Variants in FBXO24 observed in about 807,000 individuals in gnomAD.
The protein encoded by FBXO24 is F-box protein 24, also known as F-box only protein 24.
FBXO24 carries 30 observed loss-of-function variants against 63.5 expected under a neutral mutation model. That is an observed-to-expected ratio of 0.47 (90% CI 0.35 to 0.64). The LOEUF (loss-of-function observed/expected upper bound fraction) is 0.64, where lower values mean the gene tolerates loss of function less well. FBXO24 is among the 30% of genes least tolerant of loss of function. The probability of loss-of-function intolerance (pLI) is 0.00; values close to 1 mark genes in which losing one functional copy is unlikely to be tolerated. For missense variants in FBXO24, 624 were observed against 763.4 expected, an observed-to-expected ratio of 0.82 and a Z score of 2.15; for synonymous variants, 300 against 305.0, an observed-to-expected ratio of 0.98 and a Z score of 0.17.
intron 8 of FBXO24, among the ~76,000 whole-genome samples, chr7:100,597,884 G>GTTTTTTTTTT (rs1393606783): frequency 7.3e-6 from 1 of 136,256 alleles, no homozygotes; most frequent in Non-Finnish European, 1.6e-5. Context: ...TGTTTTTTTT[G>GTTTTTTTTTT]TTTTTTTTGT....
At position 100,586,435 on chromosome 7, in the gene FBXO24, AG is replaced by A; in HGVS notation, c.-187del. ...GAGCCAATCAGGTCCAACCAAGAGG[AG>A]GGGACACCGGCACTCCACTAGCAGG... On this transcript the variant is annotated 5_prime_UTR_variant, in exon 1 of 10. An upstream open reading frame in the 5' UTR gains an earlier in-frame stop. Transcript: ENST00000241071. 1 of 661,152 alleles carries A rather than the reference AG, an allele frequency of 1.5e-6. No individual in the cohort carries two copies. Among genetic ancestry groups the A allele is most frequent in the Non-Finnish European group, 2.7e-6 (1 of 375,114 alleles). The allele number at this position is 661,152 out of a possible 1,614,324, so 41.0% of individuals were successfully genotyped here. A position where few individuals can be genotyped will look rare whatever the true frequency, so the allele number is the denominator to read the frequency against.
Position 100,586,355 on chromosome 7 carries a change from A to T in FBXO24, c.-271A>T. 1 of 640,758 alleles carries T rather than the reference A, an allele frequency of 1.6e-6. No homozygotes were observed. Among genetic ancestry groups the T allele is most frequent in the Non-Finnish European group, 2.7e-6 (1 of 373,838 alleles). 39.7% of individuals were successfully genotyped at this position (640,758 alleles called of 1,614,324 possible). ...AGCGCTCGCCAACGGCCGACGCTCCAGGCCGTCCCGCCCAGCGCAGCTGCA... is the reference window on the plus strand; with the variant it reads ...AGCGCTCGCCAACGGCCGACGCTCCTGGCCGTCCCGCCCAGCGCAGCTGCA... On this transcript the variant is annotated 5_prime_UTR_variant, in exon 1 of 10. Coordinates refer to ENST00000241071, the MANE Select transcript of FBXO24 (RefSeq NM_033506.3).
At position 100,590,028 on chromosome 7, in the gene FBXO24, A is replaced by AG. The variant is rs1255600690; in HGVS notation, c.96dup (p.Lys33GlufsTer118). 1 of 1,613,414 alleles carries AG rather than the reference A, an allele frequency of 6.2e-7. No individual in the cohort carries two copies. The highest frequency in any genetic ancestry group is 1.3e-5 in the African/African-American group (1 of 74,838). ...CTCGGAGCTTGGGGTTGAAGAGAAGAGGGGGAAAGGAAATCCGATTTCCAT... is the reference window on the plus strand; with the variant it reads ...CTCGGAGCTTGGGGTTGAAGAGAAGAGGGGGGAAAGGAAATCCGATTTCCAT... On this transcript the variant is annotated frameshift_variant, in exon 2 of 10. Transcript: ENST00000241071. LOFTEE classifies it high-confidence loss of function.
intron 1 of FBXO24, among the ~76,000 whole-genome samples, chr7:100,588,997 G>GTTT (rs543109579): frequency 7.0e-6 from 1 of 143,204 alleles, no homozygotes; most frequent in African/African-American, 2.6e-5. Context: ...TAATTTTTAA[G>GTTT]TTTTTTTTTT....
chr7:100,597,884 G>GTTTTTTTTTTTTTTTT (rs1393606783), intron 8 of FBXO24, among the ~76,000 whole-genome samples: 2 of 136,258 alleles, frequency 1.5e-5, no homozygotes, highest in Admixed American at 7.3e-5. Context: ...TGTTTTTTTT[G>GTTTTTTTTTTTTTTTT]TTTTTTTTGT....
At chr7:100,590,125 C>T in intron 2 of FBXO24, 49 bp from the exon 3 acceptor site, 1 of 1,606,792 alleles carries the variant, frequency 6.2e-7, no homozygotes, top group Non-Finnish European at 8.5e-7. Flanking sequence ...GGGGCCAGAT[C>T]ACCGAGGGGC....
intron 1 of FBXO24, among the ~76,000 whole-genome samples, chr7:100,587,097 T>C (rs1801795607): frequency 6.6e-6 from 1 of 152,176 alleles, no homozygotes; most frequent in African/African-American, 2.4e-5. Flanking sequence ...CCCTTGGTGC[T>C]ACGAATGCAG....
At chr7:100,590,467 C>G in intron 3 of FBXO24, 110 bp downstream of exon 3, 1 of 1,161,332 alleles carries the variant, frequency 8.6e-7, no homozygotes, top group South Asian at 1.6e-5. Flanking sequence ...CTTCCAGGGC[C>G]CCTTTCTCCG....
chr7:100,589,649 G>A, intron 1 of FBXO24: 2 of 1,495,954 alleles, frequency 1.3e-6, no homozygotes, highest in Non-Finnish European at 1.8e-6. Flanking sequence ...ACATGGTGTG[G>A]GAAAGCCAGC....
rs1801928208 is a variant in FBXO24, at chr7:100,589,992, C to T, written c.55C>T (p.Pro19Ser). ...TCTTGGGTAGGTGAAGAGAAGCTGC[C>T]CTTCTTGTGGCTCGGAGCTTGGGGT... ...LRRRRVKRSC[P>S]SCGSELGVEE... The change falls in exon 2 of 10, where the codon CCT (proline) becomes TCT (serine). Residue 19 changes from proline (P) to serine (S), a missense_variant. Physicochemically the swap from Pro to Ser is moderately conservative, Grantham distance 74. This residue lies in a region of FBXO24 where 391 missense variants were observed against 469.1 expected (regional missense o/e 0.83). Coordinates refer to ENST00000241071, the MANE Select transcript of FBXO24 (RefSeq NM_033506.3). 1 of 1,613,342 alleles carries T rather than the reference C, an allele frequency of 6.2e-7. No individual in the cohort carries two copies.
At chr7:100,592,754 A>G in intron 4 of FBXO24, 29 bp from the exon 5 acceptor site, 9 of 1,588,522 alleles carry the variant, frequency 5.7e-6, no homozygotes, top group Non-Finnish European at 7.8e-6. Flanking sequence ...GAAACTCTAG[A>G]TCCCAGACGC....
At chr7:100,589,912 G>A in intron 1 of FBXO24, 65 bp from the exon 2 acceptor site, 1 of 1,572,988 alleles carries the variant, frequency 6.4e-7, no homozygotes, top group Non-Finnish European at 8.6e-7. Flanking sequence ...CCCCAAGGTA[G>A]GCGGAGAGAA....
intron 8 of FBXO24, among the ~76,000 whole-genome samples, chr7:100,596,294 A>T (rs1802306081): frequency 6.6e-6 from 1 of 152,188 alleles, no homozygotes; most frequent in South Asian, 2.1e-4. Context: ...AAAAGAAAAA[A>T]GATGTGAGCA....
At position 100,600,759 on chromosome 7, in the gene FBXO24, C is replaced by A. The variant is rs1451798756; in HGVS notation, c.1603C>A (p.Arg535Ser). 6.2e-7 allele frequency: 1 copy of A among 1,614,040 alleles called. No homozygotes were observed. Among genetic ancestry groups the A allele is most frequent in the Admixed American group, 1.7e-5 (1 of 60,006 alleles). The change falls in exon 10 of 10, where the codon CGC becomes AGC. Residue 535 changes from arginine (R) to serine (S), a missense_variant. Coordinates refer to ENST00000241071, the MANE Select transcript of FBXO24 (RefSeq NM_033506.3). The surrounding 1 kb of genome is among the most constrained non-coding windows in gnomAD (Gnocchi z 6.3). Reference sequence around the variant, plus strand: ...CCACAGTTGCCAAACGTTGCAGGACCGCACGGAGAAGATGAAGGAGATCGT... The same window carrying A: ...CCACAGTTGCCAAACGTTGCAGGACAGCACGGAGAAGATGAAGGAGATCGT... ...QIHSCQTLQD[R>S]TEKMKEIVGW...
intron 7 of FBXO24, 135 bp downstream of exon 7, chr7:100,595,358 A>G: frequency 6.7e-7 from 1 of 1,496,286 alleles, no homozygotes. Context: ...AAAAGAGATC[A>G]GCTGGGGGCT....
chr7:100,595,326 G>GA, intron 7 of FBXO24, 103 bp downstream of exon 7: 1 of 1,568,438 alleles, frequency 6.4e-7, no homozygotes, highest in Non-Finnish European at 8.7e-7. Flanking sequence ...AGGGGCAGGG[G>GA]ATCCCCAGGG....
intron 8 of FBXO24, among the ~76,000 whole-genome samples, chr7:100,596,750 C>T (rs908454451): frequency 2.0e-5 from 3 of 152,040 alleles, no homozygotes; most frequent in Non-Finnish European, 2.9e-5. Flanking sequence ...GGGTATAAGA[C>T]AGAGGTGGCT....
In FBXO24 at chr7:100,594,984, G is replaced by T; in HGVS notation, c.953-118G>T. ...TTTTCAGTTCCCAGGCATCATAGTT[G>T]ATGCATTCCTAGTGGGTATGAGACT... On this transcript the variant is annotated intron_variant, in intron 6 of 9. Coordinates refer to ENST00000241071, the MANE Select transcript of FBXO24 (RefSeq NM_033506.3). The surrounding 1 kb of genome is among the most constrained non-coding windows in gnomAD (Gnocchi z 4.2). 1 of 1,370,658 alleles carries T rather than the reference G, an allele frequency of 7.3e-7. No homozygotes were observed. The allele number at this position is 1,370,658 out of a possible 1,614,324, so 84.9% of individuals were successfully genotyped here.
At chr7:100,591,524 T>G in intron 3 of FBXO24, 143 bp from the exon 4 acceptor site, 1 of 684,536 alleles carries the variant, frequency 1.5e-6, no homozygotes, top group South Asian at 1.9e-5. Flanking sequence ...CCACATCTCC[T>G]TCATAAGGGG....
Sources: gnomAD v4.1 joint callset for allele counts (sites outside exome capture counted in the v4.1 genomes callset) on GRCh38, gnomAD v4.1.1 for gene constraint, gnomAD v4.1.1 regional missense constraint, Gnocchi (gnomAD v3.1) non-coding constraint, MANE v1.5 for transcripts, NCBI Gene and HGNC (gene_info 2026-07-23, HGNC 2026-07-21) for gene names.